The following NELL1 variants were observed in gnomAD, a reference collection of about 807,000 sequenced individuals.
NELL1 encodes the protein protein kinase C-binding protein NELL1.
Under a neutral mutation model 107.4 loss-of-function variants are expected in NELL1, and 76 were observed. The observed-to-expected ratio is 0.71, with a 90% CI of 0.59 to 0.86. The LOEUF is 0.86. Ranked by LOEUF, NELL1 falls within the 40% of genes least tolerant of loss-of-function variation. The probability of loss-of-function intolerance (pLI) is 0.00; values close to 1 mark genes in which losing one functional copy is unlikely to be tolerated. For missense variants in NELL1, 1,024 were observed against 1,005.5 expected, an observed-to-expected ratio of 1.02 and a Z score of -0.25; for synonymous variants, 353 against 341.2, an observed-to-expected ratio of 1.03 and a Z score of -0.38.
At chr11:21,081,463 T>C (rs939723436) in intron 12 of NELL1, among the ~76,000 whole-genome samples, 1 of 152,166 alleles carries the variant, frequency 6.6e-6, no homozygotes, top group African/African-American at 2.4e-5. Context: ...TCTGAATTTG[T>C]ATCCAAATGC....
intron 13 of NELL1, among the ~76,000 whole-genome samples, chr11:21,164,969 C>A (rs1191455440): frequency 6.6e-6 from 1 of 151,948 alleles, no homozygotes; most frequent in Non-Finnish European, 1.5e-5. Context: ...ACTGACATTC[C>A]TTCTCATAGA....
chr11:21,027,974 T>G (rs1852858904), intron 12 of NELL1, among the ~76,000 whole-genome samples: 1 of 152,190 alleles, frequency 6.6e-6, no homozygotes, highest in South Asian at 2.1e-4. Flanking sequence ...GTCTAACTCA[T>G]GCACACATTT....
At chr11:21,127,578 AGAAGAGGAAGAGGAG>A (rs926323438) in intron 13 of NELL1, among the ~76,000 whole-genome samples, 2 of 152,088 alleles carry the variant, frequency 1.3e-5, no homozygotes, top group African/African-American at 2.4e-5. Flanking sequence ...TCCGAGAAGA[AGAAGAGGAAGAGGAG>A]GAAGAGGAAG....
chr11:20,995,313 G>A (rs1478113184), intron 12 of NELL1, among the ~76,000 whole-genome samples: 3 of 152,082 alleles, frequency 2.0e-5, no homozygotes, highest in African/African-American at 7.2e-5. Context: ...TGGGCGCGGT[G>A]GCTCACACCT....
At chr11:21,564,466 A>G (rs958716237) in intron 17 of NELL1, among the ~76,000 whole-genome samples, 5 of 151,904 alleles carry the variant, frequency 3.3e-5, no homozygotes, top group Non-Finnish European at 5.9e-5. Flanking sequence ...TAAGAGTAAG[A>G]ACCAGGGTCT....
At chr11:21,082,425 T>C (rs1278371628) in intron 12 of NELL1, among the ~76,000 whole-genome samples, 1 of 152,188 alleles carries the variant, frequency 6.6e-6, no homozygotes, top group African/African-American at 2.4e-5. Context: ...ATCATAGTAA[T>C]CAAAGATGCA....
intron 14 of NELL1, among the ~76,000 whole-genome samples, chr11:21,320,260 T>C (rs1173612550): frequency 6.6e-6 from 1 of 152,208 alleles, no homozygotes; most frequent in Non-Finnish European, 1.5e-5. Context: ...TTGTTTATAA[T>C]AATAATAATT....
intron 15 of NELL1, among the ~76,000 whole-genome samples, chr11:21,427,644 T>C (rs1173002158): frequency 6.6e-6 from 1 of 152,152 alleles, no homozygotes; most frequent in Non-Finnish European, 1.5e-5. Flanking sequence ...GGAGAGGTGA[T>C]AAGATAGCTT....
chr11:21,147,377 C>T (rs1003824478), intron 13 of NELL1, among the ~76,000 whole-genome samples: 3 of 152,052 alleles, frequency 2.0e-5, no homozygotes, highest in African/African-American at 7.2e-5. Flanking sequence ...CGAATAAATA[C>T]TTCTGGGAAT....
At chr11:21,315,858 GTGT>G (rs1849867713) in intron 14 of NELL1, among the ~76,000 whole-genome samples, 1 of 107,596 alleles carries the variant, frequency 9.3e-6, no homozygotes, top group Non-Finnish European at 1.9e-5. Context: ...TTATTTGAAT[GTGT>G]TGGTGGTGGT....
intron 1 of NELL1, among the ~76,000 whole-genome samples, chr11:20,671,665 A>C (rs957205665): frequency 6.6e-6 from 1 of 152,194 alleles, no homozygotes; most frequent in African/African-American, 2.4e-5. Flanking sequence ...GCTGGGTGCC[A>C]GGATTTCTTA....
At chr11:21,466,940 AAAAG>A (rs1226814884) in intron 15 of NELL1, among the ~76,000 whole-genome samples, 1 of 151,996 alleles carries the variant, frequency 6.6e-6, no homozygotes, top group African/African-American at 2.4e-5. Flanking sequence ...ATGTCAGTGA[AAAAG>A]AAATTTGTAA....
chr11:21,206,505 A>T (rs907707949), intron 13 of NELL1, among the ~76,000 whole-genome samples: 7 of 152,204 alleles, frequency 4.6e-5, no homozygotes, highest in African/African-American at 1.7e-4. Context: ...GGAATGAATA[A>T]TTCAATAGGA....
At chr11:20,886,978 A>C (rs558565428) in intron 5 of NELL1, among the ~76,000 whole-genome samples, 74 of 152,270 alleles carry the variant, frequency 4.9e-4, no homozygotes, top group Non-Finnish European at 8.8e-4. Flanking sequence ...TTTATCTCCA[A>C]AAATTTCCAT....
chr11:20,723,798 C>T (rs1212990355), intron 2 of NELL1, among the ~76,000 whole-genome samples: 1 of 152,218 alleles, frequency 6.6e-6, no homozygotes, highest in Non-Finnish European at 1.5e-5. Flanking sequence ...CGTGAGGGCT[C>T]TGCCCCTGCA....
intron 1 of NELL1, among the ~76,000 whole-genome samples, chr11:20,670,866 G>A (rs1853887115): frequency 6.6e-6 from 1 of 152,088 alleles, no homozygotes; most frequent in Non-Finnish European, 1.5e-5. Context: ...TTCTTTAGAG[G>A]CGTGGCCTTC....
chr11:21,108,521 A>G (rs1027888189), intron 12 of NELL1, among the ~76,000 whole-genome samples: 8 of 152,212 alleles, frequency 5.3e-5, no homozygotes, highest in African/African-American at 1.9e-4. Flanking sequence ...AGCAATTTAT[A>G]TGAAAGAATT....
chr11:21,337,831 T>TCTTG (rs1565175569), intron 14 of NELL1, among the ~76,000 whole-genome samples: 6 of 64,716 alleles, frequency 9.3e-5, no homozygotes, highest in Non-Finnish European at 1.1e-4. Flanking sequence ...TTTCTTTCTT[T>TCTTG]CTTTCTTTTC....
intron 5 of NELL1, among the ~76,000 whole-genome samples, chr11:20,886,763 C>T (rs889851917): frequency 6.6e-6 from 1 of 152,106 alleles, no homozygotes; most frequent in Non-Finnish European, 1.5e-5. Flanking sequence ...AGCAAACCAA[C>T]ATGGCACATG....
Sources: gnomAD v4.1 joint callset for allele counts (sites outside exome capture counted in the v4.1 genomes callset) on GRCh38, gnomAD v4.1.1 for gene constraint, MANE v1.5 for transcripts, NCBI Gene and HGNC (gene_info 2026-07-23, HGNC 2026-07-21) for gene names.